RNF152: variants seen among roughly 807,000 people sequenced by gnomAD.
The protein encoded by RNF152 is E3 ubiquitin-protein ligase RNF152.
RNF152 carries 11 observed loss-of-function variants against 12.7 expected under a neutral mutation model. The observed-to-expected ratio is 0.86, with a 90% CI of 0.54 to 1.43. The LOEUF (loss-of-function observed/expected upper bound fraction) is 1.43, where lower values mean the gene tolerates loss of function less well. Ranked by LOEUF, RNF152 falls within the 40% of genes most tolerant of loss-of-function variation. The probability of loss-of-function intolerance (pLI) is 0.00; values close to 1 mark genes in which losing one functional copy is unlikely to be tolerated. For synonymous variants in RNF152, 113 were observed against 120.3 expected (o/e 0.94, Z 0.40); for missense variants, 255 against 274.8 (o/e 0.93, Z 0.51).
At chr18:61,870,436 C>T (rs1427378526) in intron 1 of RNF152, among the ~76,000 whole-genome samples, 1 of 152,128 alleles carries the variant, frequency 6.6e-6, no homozygotes, top group Non-Finnish European at 1.5e-5. Context: ...TTTTCCACCC[C>T]AGGAAGAAAG....
intron 1 of RNF152, among the ~76,000 whole-genome samples, chr18:61,871,726 T>C (rs1912005575): frequency 2.0e-5 from 3 of 152,184 alleles, no homozygotes. Flanking sequence ...GCCTGGCTTG[T>C]TCTGGTAGGG....
At position 61,879,755 on chromosome 18, in the gene RNF152, G is replaced by A. The variant is rs533993469; in HGVS notation, c.-136+13040C>T. Among the ~76,000 whole-genome samples, 7 of 152,184 alleles carry A rather than the reference G, an allele frequency of 4.6e-5. No individual in the cohort carries two copies. The South Asian group carries it at 1.5e-3, about 32-fold the overall frequency. On this transcript the variant is annotated intron_variant, in intron 1 of 1. Transcript: ENST00000312828. ...GAGGCAGGCGAATCACCTGAGGTCAGGAGTTCGAGACCAGCCTGACCAACA... is the reference window on the plus strand; with the variant it reads ...GAGGCAGGCGAATCACCTGAGGTCAAGAGTTCGAGACCAGCCTGACCAACA...
chr18:61,816,200 G>C lies in RNF152; in HGVS notation c.264C>G (p.Thr88=). Residue 88 remains threonine (T), a synonymous_variant, in exon 2 of 2, where the codon ACC becomes ACG. Transcript: ENST00000312828. ...VIAIPHTSEH[T]PVFIKLPSNG... ...TGCTGGGAAGTTTGATGAAGACCGG[G>C]GTGTGTTCGGAAGTGTGTGGAATGG... 1 of 1,614,252 alleles carries C rather than the reference G, an allele frequency of 6.2e-7. No individual in the cohort carries two copies. The highest frequency in any genetic ancestry group is 1.3e-5 in the African/African-American group (1 of 75,068).
intron 1 of RNF152, among the ~76,000 whole-genome samples, chr18:61,832,080 A>T (rs565738100): frequency 6.6e-6 from 1 of 152,322 alleles, no homozygotes; most frequent in Non-Finnish European, 1.5e-5. Flanking sequence ...CCTTCATAAC[A>T]TCAAATGTAT....
At chr18:61,842,573 A>G (rs2144674149) in intron 1 of RNF152, among the ~76,000 whole-genome samples, 1 of 152,288 alleles carries the variant, frequency 6.6e-6, no homozygotes, top group East Asian at 1.9e-4. Flanking sequence ...CAAATGCTTG[A>G]CTATTGAGCA....
chr18:61,849,727 T>C (rs935522826), intron 1 of RNF152, among the ~76,000 whole-genome samples: 4 of 152,202 alleles, frequency 2.6e-5, no homozygotes, highest in Admixed American at 6.5e-5. Flanking sequence ...GCTGTTGTTT[T>C]GGTTTGGCTT....
intron 1 of RNF152, among the ~76,000 whole-genome samples, chr18:61,852,459 G>A (rs1397070907): frequency 2.6e-5 from 4 of 152,246 alleles, no homozygotes; most frequent in East Asian, 1.9e-4. Flanking sequence ...TTACAGCATC[G>A]CTCATACACT....
At position 61,816,044 on chromosome 18, in the gene RNF152, C is replaced by T. The variant is rs1909063862; in HGVS notation, c.420G>A (p.Gln140=). The T allele has an allele frequency of 1.9e-6, 3 of 1,614,254 alleles. No individual in the cohort carries two copies. In the African/African-American group the frequency reaches 4.0e-5, roughly 21 times the overall value. Residue 140 remains glutamine, a synonymous_variant, in exon 2 of 2, where the codon CAG becomes CAA. Transcript: ENST00000312828. ...CCTGGGGAGCCCCACCTTGCAGAGGCTGCTGTTCAGCAGGGATGGTCACCA... is the reference window on the plus strand; with the variant it reads ...CCTGGGGAGCCCCACCTTGCAGAGGTTGCTGTTCAGCAGGGATGGTCACCA... ...VTVVTIPAEQ[Q]PLQGGAPQEA... is the part of the protein sequence containing the mutation.
chr18:61,887,414 G>A (rs534093738), intron 1 of RNF152, among the ~76,000 whole-genome samples: 2,193 of 152,138 alleles, frequency 0.014, 36 homozygotes, highest in Admixed American at 0.033. Flanking sequence ...AGCAGAAACA[G>A]CAATAGTAAG....
At chr18:61,876,780 G>T (rs990752935) in intron 1 of RNF152, among the ~76,000 whole-genome samples, 1 of 152,200 alleles carries the variant, frequency 6.6e-6, no homozygotes, top group South Asian at 2.1e-4. Context: ...GAGTAGGCAC[G>T]CACTGTAAGC....
rs371597317 is a variant in RNF152, at chr18:61,812,739, A to C, written c.*3113T>G. On this transcript the variant is annotated 3_prime_UTR_variant, in exon 2 of 2. Coordinates refer to ENST00000312828, the MANE Select transcript of RNF152 (RefSeq NM_173557.3). ...GGACACCAATGTTTTACAATTTTAA[A>C]AATTCAAACCACATGGTTTGATAGT... is the stretch of plus-strand genomic sequence containing the variant. 1.3e-5 allele frequency: 2 copies of C among 152,220 alleles called. No individual in the cohort carries two copies. Among genetic ancestry groups the C allele is most frequent in the East Asian group, 3.8e-4 (2 of 5,206 alleles). The allele number at this position is 152,220 out of a possible 1,614,324, so 9.4% of individuals were successfully genotyped here. A position where few individuals can be genotyped will look rare whatever the true frequency, so the allele number is the denominator to read the frequency against.
chr18:61,855,286 T>C (rs138777320), intron 1 of RNF152, among the ~76,000 whole-genome samples: 5 of 152,354 alleles, frequency 3.3e-5, no homozygotes, highest in Admixed American at 1.3e-4. Flanking sequence ...ACCTTAAAAG[T>C]TTAATAAAAT....
intron 1 of RNF152, among the ~76,000 whole-genome samples, chr18:61,880,865 T>G (rs1470731577): frequency 1.3e-5 from 2 of 152,016 alleles, no homozygotes; most frequent in Non-Finnish European, 2.9e-5. Context: ...ATTCTTCTCT[T>G]TACTCACTCC....
chr18:61,853,105 A>T (rs886839722), intron 1 of RNF152, among the ~76,000 whole-genome samples: 2 of 152,224 alleles, frequency 1.3e-5, no homozygotes, highest in African/African-American at 4.8e-5. Context: ...GAACTGGGAT[A>T]GGCAAGTTTA....
chr18:61,836,795 A>G (rs1358173017), intron 1 of RNF152, among the ~76,000 whole-genome samples: 1 of 152,190 alleles, frequency 6.6e-6, no homozygotes, highest in Non-Finnish European at 1.5e-5. Context: ...AAGGGGAAAG[A>G]AAGGCAGGAA....
At chr18:61,883,478 C>T (rs963714372) in intron 1 of RNF152, among the ~76,000 whole-genome samples, 71 of 152,108 alleles carry the variant, frequency 4.7e-4, no homozygotes, top group East Asian at 2.7e-3. Context: ...TATTCTGCCC[C>T]GCTTGCTCCT....
intron 1 of RNF152, among the ~76,000 whole-genome samples, chr18:61,829,661 G>T (rs989796271): frequency 6.6e-6 from 1 of 151,932 alleles, no homozygotes; most frequent in African/African-American, 2.4e-5. Context: ...GGACCAGGAG[G>T]TGAGGGGAGA....
At chr18:61,825,652 G>A (rs1909625666) in intron 1 of RNF152, among the ~76,000 whole-genome samples, 1 of 152,116 alleles carries the variant, frequency 6.6e-6, no homozygotes, top group Non-Finnish European at 1.5e-5. Context: ...GAGGTGAAGG[G>A]AGGGTTTGAG....
intron 1 of RNF152, among the ~76,000 whole-genome samples, chr18:61,880,827 C>G (rs562149501): frequency 1.3e-5 from 2 of 152,172 alleles, no homozygotes; most frequent in African/African-American, 4.8e-5. Context: ...TTTGAAAATA[C>G]CATACACCTA....
Sources: allele counts gnomAD v4.1 joint callset (sites outside exome capture counted in the v4.1 genomes callset), GRCh38; gene constraint gnomAD v4.1.1; transcripts MANE v1.5; gene names NCBI Gene and HGNC (gene_info 2026-07-23, HGNC 2026-07-21).